Variants in GPR158 observed in about 807,000 individuals in gnomAD.
The protein encoded by GPR158 is metabotropic glycine receptor.
A neutral mutation model predicts 78.2 loss-of-function variants in GPR158; 30 were observed. That is an observed-to-expected ratio of 0.38 (90% CI 0.29 to 0.52). The LOEUF (loss-of-function observed/expected upper bound fraction) is 0.52, where lower values mean the gene tolerates loss of function less well. Among genes scored for constraint, GPR158 ranks in the 20% least tolerant of loss-of-function variants. The pLI, the probability that GPR158 is intolerant of heterozygous loss-of-function variation, is 0.83. For missense variants in GPR158, 1,463 were observed against 1,523.5 expected (o/e 0.96, Z 0.66); for synonymous variants, 581 against 591.1 (o/e 0.98, Z 0.25).
At chr10:25,447,483 G>A (rs560304270) in intron 4 of GPR158, among the ~76,000 whole-genome samples, 3 of 152,286 alleles carry the variant, frequency 2.0e-5, no homozygotes, top group South Asian at 2.1e-4. Flanking sequence ...TGCTGAGCTC[G>A]TTTCTGTTAG....
chr10:25,280,912 A>G (rs1271076136), intron 2 of GPR158, among the ~76,000 whole-genome samples: 2 of 152,098 alleles, frequency 1.3e-5, no homozygotes, highest in African/African-American at 4.8e-5. Flanking sequence ...GAAGGGGTGG[A>G]TCACTTGAGG....
rs113206031 is a variant in GPR158 at position 25,424,011 on chromosome 10, G to A, written c.1335+11538G>A. Among the ~76,000 whole-genome samples, 1,066 of 152,230 alleles carry A rather than the reference G, an allele frequency of 7.0e-3. 12 individuals carry two copies. The highest frequency in any genetic ancestry group is 0.024 in the African/African-American group (990 of 41,524). On this transcript the variant is annotated intron_variant, in intron 4 of 10. Coordinates refer to ENST00000376351, the MANE Select transcript of GPR158 (RefSeq NM_020752.3). ...TTTACACTCCCAACAGTGTAAAAGCGTTCCTATTTCTCCACATCCTCTCCA... is the reference window on the plus strand; with the variant it reads ...TTTACACTCCCAACAGTGTAAAAGCATTCCTATTTCTCCACATCCTCTCCA...
chr10:25,433,212 G>A (rs548131146), intron 4 of GPR158, among the ~76,000 whole-genome samples: 4 of 152,206 alleles, frequency 2.6e-5, no homozygotes, highest in South Asian at 4.1e-4. Flanking sequence ...TCTCTCACAC[G>A]TTTACAATGT....
chr10:25,460,420 C>G (rs1835343011), intron 4 of GPR158, among the ~76,000 whole-genome samples: 2 of 152,044 alleles, frequency 1.3e-5, no homozygotes, highest in African/African-American at 4.8e-5. Context: ...CAGGTGAACT[C>G]CTGACCTCAA....
At chr10:25,255,080 T>C (rs1255896319) in intron 2 of GPR158, among the ~76,000 whole-genome samples, 1 of 152,214 alleles carries the variant, frequency 6.6e-6, no homozygotes, top group East Asian at 1.9e-4. Flanking sequence ...GTCTCTCCAG[T>C]TATGTAAATG....
chr10:25,397,271 T>C (rs559023986), intron 3 of GPR158, among the ~76,000 whole-genome samples: 1 of 152,328 alleles, frequency 6.6e-6, no homozygotes, highest in South Asian at 2.1e-4. Flanking sequence ...ACAATTCAAG[T>C]ATTGAGTATT....
At position 25,598,499 on chromosome 10, in the gene GPR158, C is replaced by T. The variant is rs771067011; in HGVS notation, c.2873C>T (p.Pro958Leu). 6.2e-7 allele frequency: 1 copy of T among 1,614,006 alleles called. No homozygotes were observed. The highest frequency in any genetic ancestry group is 2.2e-5 in the East Asian group (1 of 44,866). Residue 958 changes from proline (P) to leucine (L), a missense_variant, in exon 11 of 11, where the codon CCC becomes CTC. Transcript: ENST00000376351. ...SDNTETKDPA[P>L]QNSNPAEEPR... The stretch of plus-strand genomic sequence containing the variant: ...AACACAGAGACTAAAGATCCTGCCC[C>T]CCAAAACTCAAATCCTGCGGAGGAG...
chr10:25,335,481 A>G (rs1438839833), intron 2 of GPR158, among the ~76,000 whole-genome samples: 1 of 152,040 alleles, frequency 6.6e-6, no homozygotes, highest in South Asian at 2.1e-4. Flanking sequence ...CCAATAGTCC[A>G]TGGCTTTAGT....
At chr10:25,277,039 T>C (rs1422101812) in intron 2 of GPR158, among the ~76,000 whole-genome samples, 1 of 151,754 alleles carries the variant, frequency 6.6e-6, no homozygotes, top group Non-Finnish European at 1.5e-5. Flanking sequence ...AGCCTTGAAC[T>C]CCTGGGCTCA....
At chr10:25,491,416 T>A (rs1835807654) in intron 5 of GPR158, among the ~76,000 whole-genome samples, 1 of 152,220 alleles carries the variant, frequency 6.6e-6, no homozygotes, top group African/African-American at 2.4e-5. Flanking sequence ...AGAGAAGGAC[T>A]GCCTGAGCCA....
intron 7 of GPR158, among the ~76,000 whole-genome samples, chr10:25,578,870 A>G (rs59110794): frequency 0.097 from 14,683 of 151,944 alleles, 951 homozygotes; most frequent in African/African-American, 0.18. Context: ...TTAGCTGGGC[A>G]TGGTGGCGGG....
intron 2 of GPR158, among the ~76,000 whole-genome samples, chr10:25,287,078 T>A (rs79917508): frequency 0.012 from 1,822 of 152,266 alleles, 27 homozygotes; most frequent in South Asian, 0.058. Context: ...TACTGTGCCC[T>A]AAGACTCATT....
intron 4 of GPR158, among the ~76,000 whole-genome samples, chr10:25,427,479 GTTTC>G (rs1455657801): frequency 6.6e-6 from 1 of 151,968 alleles, no homozygotes; most frequent in Non-Finnish European, 1.5e-5. Flanking sequence ...GACCATAATA[GTTTC>G]TTTCAGTCAG....
intron 6 of GPR158, among the ~76,000 whole-genome samples, chr10:25,555,360 T>C (rs1836775422): frequency 6.6e-6 from 1 of 152,080 alleles, no homozygotes; most frequent in Non-Finnish European, 1.5e-5. Flanking sequence ...GCTAGGTCAG[T>C]GTGGATCATA....
intron 1 of GPR158, among the ~76,000 whole-genome samples, chr10:25,208,259 G>GT (rs893576455): frequency 3.9e-5 from 6 of 152,208 alleles, no homozygotes; most frequent in Admixed American, 2.0e-4. Flanking sequence ...TACAGAGATT[G>GT]TTTTTTCCTG....
intron 2 of GPR158, among the ~76,000 whole-genome samples, chr10:25,303,203 T>G (rs1271019608): frequency 2.0e-5 from 3 of 152,214 alleles, no homozygotes; most frequent in African/African-American, 4.8e-5. Context: ...CTATATAAAT[T>G]TACATTTTAA....
At chr10:25,441,057 C>CT (rs1482289827) in intron 4 of GPR158, among the ~76,000 whole-genome samples, 1 of 152,160 alleles carries the variant, frequency 6.6e-6, no homozygotes, top group Non-Finnish European at 1.5e-5. Flanking sequence ...ATAAAAAAGG[C>CT]TATAACCCTT....
rs745772383 is a variant in GPR158, at chr10:25,176,166, G to C, written c.746G>C (p.Ser249Thr). Residue 249 changes from serine to threonine, a missense_variant, in exon 1 of 11, where the codon AGC (serine) becomes ACC (threonine). By Grantham distance (58) the Ser-to-Thr change is moderately conservative. Transcript: ENST00000376351. This position sits in a 1 kb window ranked among gnomAD's most constrained non-coding sequence, Gnocchi z 6.3. ...PNQGPRGLGH[S>T]WRRKDGLGGD... ...CAGGGGCCCCGGGGCCTGGGCCACA[G>C]CTGGCGGCGCAAGGACGGGCTCGGC... 1 of 1,577,634 alleles carries C rather than the reference G, an allele frequency of 6.3e-7. No homozygotes were observed. The highest frequency in any genetic ancestry group is 8.6e-7 in the Non-Finnish European group (1 of 1,163,166).
intron 2 of GPR158, among the ~76,000 whole-genome samples, chr10:25,283,745 CAATT>C (rs1389658752): frequency 6.6e-6 from 1 of 151,824 alleles, no homozygotes; most frequent in Admixed American, 6.6e-5. Flanking sequence ...TAATCTAAAA[CAATT>C]AATTTTACTC....
Sources: allele counts gnomAD v4.1 joint callset (sites outside exome capture counted in the v4.1 genomes callset), GRCh38; gene constraint gnomAD v4.1.1; non-coding constraint Gnocchi (gnomAD v3.1); transcripts MANE v1.5; gene names NCBI Gene and HGNC (gene_info 2026-07-23, HGNC 2026-07-21).